KATNIP: variants seen among roughly 807,000 people sequenced by gnomAD.
KATNIP encodes katanin-interacting protein.
Under a neutral mutation model 174.0 loss-of-function variants are expected in KATNIP, and 126 were observed. The observed-to-expected ratio is 0.72, with a 90% CI of 0.63 to 0.84. The LOEUF (loss-of-function observed/expected upper bound fraction) is 0.84, where lower values mean the gene tolerates loss of function less well. KATNIP is among the 40% of genes least tolerant of loss of function. The pLI is 0.00. For synonymous variants in KATNIP, 810 were observed against 835.7 expected, an observed-to-expected ratio of 0.97 and a Z score of 0.53; for missense variants, 1,958 against 2,109.7, an observed-to-expected ratio of 0.93 and a Z score of 1.41.
chr16:27,591,270 C>T lies in KATNIP; in HGVS notation c.63+17314C>T, dbSNP rs144547191. ...TGCGATCTTGGCTCACTGCACCCTCCGCCTCCCGGGTTCAAGCAATTCTCC... is the reference window on the plus strand; with the variant it reads ...TGCGATCTTGGCTCACTGCACCCTCTGCCTCCCGGGTTCAAGCAATTCTCC... On this transcript the variant is annotated intron_variant, in intron 2 of 27. Coordinates refer to ENST00000261588, the MANE Select transcript of KATNIP (RefSeq NM_015202.5). Among the ~76,000 whole-genome samples the T allele has an allele frequency of 7.2e-3, 1,102 of 152,008 alleles. 12 individuals are homozygous for T. Among genetic ancestry groups the T allele is most frequent in the African/African-American group, 0.024 (994 of 41,454 alleles).
chr16:27,574,048 C>A, intron 2 of KATNIP, 92 bp downstream of exon 2: 1 of 1,120,624 alleles, frequency 8.9e-7, no homozygotes. Flanking sequence ...CCTAAATATA[C>A]TCTTTTCTCT....
intron 1 of KATNIP, among the ~76,000 whole-genome samples, chr16:27,553,841 G>A (rs1041647465): frequency 3.3e-5 from 5 of 151,252 alleles, no homozygotes; most frequent in Admixed American, 1.3e-4. Context: ...ATAGTGGCTC[G>A]TGCCTGTAGT....
At chr16:27,751,634 G>A (rs1316924449) in intron 16 of KATNIP, 85 bp from the exon 17 acceptor site, 1 of 1,275,286 alleles carries the variant, frequency 7.8e-7, no homozygotes, top group Non-Finnish European at 1.1e-6. Flanking sequence ...GTACAGCACA[G>A]AAGTGGATGG....
chr16:27,563,155 T>C (rs2089954455), intron 1 of KATNIP, among the ~76,000 whole-genome samples: 1 of 152,086 alleles, frequency 6.6e-6, no homozygotes, highest in South Asian at 2.1e-4. Context: ...TACAAACATA[T>C]TAATAAGAAA....
intron 1 of KATNIP, among the ~76,000 whole-genome samples, chr16:27,566,170 G>A (rs1409036490): frequency 6.6e-6 from 1 of 152,022 alleles, no homozygotes; most frequent in Non-Finnish European, 1.5e-5. Context: ...TCCCCATCCT[G>A]CCACCTTCCT....
chr16:27,621,786 G>C (rs1460947234), intron 3 of KATNIP, among the ~76,000 whole-genome samples: 3 of 145,074 alleles, frequency 2.1e-5, no homozygotes, highest in African/African-American at 8.5e-5. Flanking sequence ...AGAGAGGGTG[G>C]GGGGGAGGTG....
At chr16:27,620,685 A>G (rs554004567) in intron 3 of KATNIP, among the ~76,000 whole-genome samples, 1 of 152,324 alleles carries the variant, frequency 6.6e-6, no homozygotes, top group South Asian at 2.1e-4. Context: ...TACGCTGGAC[A>G]TTGAGGGAGA....
At chr16:27,571,919 C>T (rs2090314025) in intron 1 of KATNIP, among the ~76,000 whole-genome samples, 1 of 152,210 alleles carries the variant, frequency 6.6e-6, no homozygotes. Context: ...TATCCCAGAG[C>T]AGCAAGCCTC....
chr16:27,693,323 A>G (rs1459226914), intron 8 of KATNIP, among the ~76,000 whole-genome samples: 2 of 152,178 alleles, frequency 1.3e-5, no homozygotes, highest in African/African-American at 4.8e-5. Context: ...CTCTGTCCTC[A>G]GGAGCAGCAT....
At position 27,750,205 on chromosome 16, in the gene KATNIP, G is replaced by A. The variant is rs1047103550; in HGVS notation, c.3245G>A (p.Arg1082Gln). ...LIRIWNYNKS[R>Q]IHSFRGVKDI... ...AGAATTTGGAACTACAATAAATCTC[G>A]GATACATTCCTTCCGAGGCGTGAAG... The change falls in exon 16 of 28, where the codon CGG (arginine) becomes CAG (glutamine). Residue 1082 changes from arginine to glutamine, a missense_variant. Arg to Gln is a conservative substitution (Grantham distance 43). Around this residue, in one of 3 missense-constraint regions of KATNIP, gnomAD observed 1,557 missense variants for 1,617.8 expected, o/e 0.96. Transcript: ENST00000261588. 58 of 1,613,902 alleles carry A rather than the reference G, an allele frequency of 3.6e-5. No homozygotes were observed. The highest frequency in any genetic ancestry group is 4.4e-5 in the Non-Finnish European group (52 of 1,180,032).
At chr16:27,736,849 G>A (rs908645004) in intron 14 of KATNIP, among the ~76,000 whole-genome samples, 2 of 152,214 alleles carry the variant, frequency 1.3e-5, no homozygotes, top group Non-Finnish European at 2.9e-5. Context: ...ACTAGGAGGC[G>A]ATGGTGGTGT....
At chr16:27,679,073 G>C (rs1463650484) in intron 7 of KATNIP, 1 of 152,282 alleles carries the variant, frequency 6.6e-6, no homozygotes, top group Non-Finnish European at 1.5e-5. Context: ...TCTGAACCAT[G>C]ATGAACCTAA....
chr16:27,727,840 T>G (rs964031021), intron 14 of KATNIP: 1 of 152,266 alleles, frequency 6.6e-6, no homozygotes, highest in Non-Finnish European at 1.5e-5. Flanking sequence ...ATCACACTAT[T>G]TCACTCATAA....
chr16:27,773,340 A>G lies in KATNIP; in HGVS notation c.4309+131A>G, dbSNP rs2082379617. 6 of 610,126 alleles carry G rather than the reference A, an allele frequency of 9.8e-6. No individual in the cohort carries two copies. The South Asian group carries it at 1.3e-4, about 13-fold the overall frequency. 37.8% of individuals were successfully genotyped at this position (610,126 alleles called of 1,614,324 possible). On this transcript the variant is annotated intron_variant, in intron 23 of 27. Coordinates refer to ENST00000261588, the MANE Select transcript of KATNIP (RefSeq NM_015202.5). ...AACCAGAGCCCAGGGGGCTTTGCTT[A>G]TAGTCAGATGCTGACCCTTGGGGAC...
At chr16:27,588,878 C>CTTT (rs11346883) in intron 2 of KATNIP, among the ~76,000 whole-genome samples, 3 of 78,098 alleles carry the variant, frequency 3.8e-5, no homozygotes, top group Non-Finnish European at 6.9e-5. Context: ...CAACTCTATT[C>CTTT]TTTTTTTTTT....
intron 1 of KATNIP, among the ~76,000 whole-genome samples, chr16:27,570,963 G>C (rs1290196291): frequency 6.6e-6 from 1 of 152,070 alleles, no homozygotes; most frequent in African/African-American, 2.4e-5. Flanking sequence ...CAAGAGAAAG[G>C]GGAAAAAAAA....
At chr16:27,606,812 C>T (rs577443086) in intron 2 of KATNIP, among the ~76,000 whole-genome samples, 1 of 152,102 alleles carries the variant, frequency 6.6e-6, no homozygotes, top group Non-Finnish European at 1.5e-5. Context: ...GCGATCCTCC[C>T]ACCTCAGCCT....
chr16:27,715,969 A>G (rs1019325322), intron 13 of KATNIP, among the ~76,000 whole-genome samples: 1 of 145,816 alleles, frequency 6.9e-6, no homozygotes, highest in Admixed American at 6.8e-5. Context: ...AAAAACATAC[A>G]TTTATTTAAA....
intron 19 of KATNIP, among the ~76,000 whole-genome samples, chr16:27,765,702 C>T (rs1421854929): frequency 1.3e-5 from 2 of 152,190 alleles, no homozygotes; most frequent in African/African-American, 4.8e-5. Flanking sequence ...CACCTCCATA[C>T]CCTCTGACCC....
Sources: gnomAD v4.1 joint callset for allele counts (sites outside exome capture counted in the v4.1 genomes callset) on GRCh38, gnomAD v4.1.1 for gene constraint, gnomAD v4.1.1 regional missense constraint, MANE v1.5 for transcripts, NCBI Gene and HGNC (gene_info 2026-07-23, HGNC 2026-07-21) for gene names.